MAP3K20: variants seen among roughly 807,000 people sequenced by gnomAD.
MAP3K20 encodes the protein mitogen-activated protein kinase kinase kinase 20.
MAP3K20 carries 40 observed loss-of-function variants against 85.7 expected under a neutral mutation model. That is an observed-to-expected ratio of 0.47 (90% CI 0.36 to 0.61). The LOEUF is 0.61. Ranked by LOEUF, MAP3K20 falls within the 20% of genes least tolerant of loss-of-function variation. MAP3K20 has a pLI of 0.00. For missense variants in MAP3K20, 817 were observed against 961.7 expected (o/e 0.85, Z 1.99); for synonymous variants, 325 against 327.7 (o/e 0.99, Z 0.09).
At chr2:173,082,873 G>T (rs527491406) in intron 1 of MAP3K20, among the ~76,000 whole-genome samples, 2 of 152,210 alleles carry the variant, frequency 1.3e-5, no homozygotes, top group African/African-American at 4.8e-5. Flanking sequence ...ATGTTTCCAC[G>T]CAGCATTTCT....
At chr2:173,088,326 A>T (rs1050418569) in intron 1 of MAP3K20, among the ~76,000 whole-genome samples, 2 of 152,238 alleles carry the variant, frequency 1.3e-5, no homozygotes, top group Non-Finnish European at 2.9e-5. Flanking sequence ...TATTGACTTA[A>T]CCAAATGTTA....
At chr2:173,115,124 T>C (rs1199695846) in intron 2 of MAP3K20, among the ~76,000 whole-genome samples, 3 of 152,164 alleles carry the variant, frequency 2.0e-5, no homozygotes, top group Admixed American at 6.5e-5. Context: ...TTTCTTTGTC[T>C]TTGTTGGATT....
At chr2:173,150,230 T>A (rs1689262673) in intron 2 of MAP3K20, among the ~76,000 whole-genome samples, 1 of 152,252 alleles carries the variant, frequency 6.6e-6, no homozygotes, top group Non-Finnish European at 1.5e-5. Context: ...TTTTTTAAAA[T>A]AGCAGGGTGA....
intron 11 of MAP3K20, chr2:173,226,079 T>C (rs1281032526): frequency 5.3e-5 from 52 of 985,078 alleles, no homozygotes; most frequent in Non-Finnish European, 5.8e-5. Flanking sequence ...TCTGGAAATG[T>C]TGAGGGTGGG....
rs963162901 is a variant in MAP3K20 at position 173,197,900 on chromosome 2, G to A, written c.583-126G>A. 8 of 626,884 alleles carry A rather than the reference G, an allele frequency of 1.3e-5. No individual in the cohort carries two copies. In the African/African-American group the frequency reaches 1.5e-4, roughly 12 times the overall value. 38.8% of individuals were successfully genotyped at this position (626,884 alleles called of 1,614,324 possible). A position where few individuals can be genotyped will look rare whatever the true frequency, so the allele number is the denominator to read the frequency against. ...TTGTGTGCTTAATTGTTTTGCCCAAGTTTCTACAGTTGGGGTTGGTTGTGT... is the reference window on the plus strand; with the variant it reads ...TTGTGTGCTTAATTGTTTTGCCCAAATTTCTACAGTTGGGGTTGGTTGTGT... On this transcript the variant is annotated intron_variant, in intron 7 of 19. Transcript: ENST00000375213.
At chr2:173,162,733 C>A (rs1689700108) in intron 2 of MAP3K20, among the ~76,000 whole-genome samples, 2 of 151,832 alleles carry the variant, frequency 1.3e-5, no homozygotes, top group South Asian at 2.1e-4. Flanking sequence ...AGATCAGGGT[C>A]CGTGGAGTAG....
intron 11 of MAP3K20, 44 bp from the exon 12 acceptor site, chr2:173,229,639 CAATGAT>C (rs1684473955): frequency 6.2e-7 from 1 of 1,609,252 alleles, no homozygotes; most frequent in Non-Finnish European, 8.5e-7. Flanking sequence ...ACCAAAAAGA[CAATGAT>C]AATATTACTT....
At position 173,267,389 on chromosome 2, in the gene MAP3K20, T is replaced by G. The variant is rs1449918076; in HGVS notation, c.*639T>G. 2 of 152,170 alleles carry G rather than the reference T, an allele frequency of 1.3e-5. No homozygotes were observed. Among genetic ancestry groups the G allele is most frequent in the Non-Finnish European group, 2.9e-5 (2 of 68,036 alleles). The allele number at this position is 152,170 out of a possible 1,614,324, so 9.4% of individuals were successfully genotyped here. A position where few individuals can be genotyped will look rare whatever the true frequency, so the allele number is the denominator to read the frequency against. The stretch of plus-strand genomic sequence containing the variant: ...GCCCAAGGCAGGTACCTCACTCATC[T>G]CATCCTTGGCTCAGCCCTGCTGGTT... On this transcript the variant is annotated 3_prime_UTR_variant, in exon 20 of 20. Transcript: ENST00000375213.
At chr2:173,180,772 T>A (rs1348769643) in intron 3 of MAP3K20, among the ~76,000 whole-genome samples, 1 of 151,980 alleles carries the variant, frequency 6.6e-6, no homozygotes, top group Non-Finnish European at 1.5e-5. Context: ...AGCCTAAGTA[T>A]AAGGGTTAAA....
chr2:173,076,174 C>T lies in MAP3K20; in HGVS notation c.-35+172C>T, dbSNP rs560381445. ...CCCCGACCCAGGGCCCGCCCGGCGG[C>T]GGCGGCCGGAGCGAGCGGGCGGGCG... On this transcript the variant is annotated intron_variant, in intron 1 of 19. Transcript: ENST00000375213. Among the ~76,000 whole-genome samples, 80 of 151,466 alleles carry T rather than the reference C, an allele frequency of 5.3e-4. 1 individual carries two copies. The South Asian group carries it at 9.1e-3, about 17-fold the overall frequency.
In MAP3K20 at chr2:173,238,443, A is replaced by C. The variant is rs746330346; in HGVS notation, c.1266+8A>C. ...TTCCCACCACTAATTAAGGTAAGTA[A>C]GGTTTTTCTTACCGACACTAATGCT... On this transcript the variant is annotated splice_region_variant and intron_variant, in intron 15 of 19. Transcript: ENST00000375213. The C allele has an allele frequency of 6.2e-7, 1 of 1,608,838 alleles. No individual in the cohort carries two copies. The highest frequency in any genetic ancestry group is 1.1e-5 in the South Asian group (1 of 90,426).
chr2:173,191,409 A>G (rs1174708021), intron 7 of MAP3K20, among the ~76,000 whole-genome samples: 1 of 152,212 alleles, frequency 6.6e-6, no homozygotes, highest in Non-Finnish European at 1.5e-5. Flanking sequence ...CACTTCCAAG[A>G]AACAAATTAA....
intron 2 of MAP3K20, among the ~76,000 whole-genome samples, chr2:173,091,962 T>C (rs1402167018): frequency 6.6e-6 from 1 of 152,270 alleles, no homozygotes; most frequent in Non-Finnish European, 1.5e-5. Context: ...GAGCTGGTTT[T>C]GGTCATTTCT....
intron 8 of MAP3K20, among the ~76,000 whole-genome samples, chr2:173,202,317 G>C (rs929875392): frequency 6.6e-6 from 1 of 152,118 alleles, no homozygotes; most frequent in Non-Finnish European, 1.5e-5. Flanking sequence ...TTGATTTTAG[G>C]ATTATCTGTA....
chr2:173,186,797 AACT>A (rs1381382748), intron 4 of MAP3K20, among the ~76,000 whole-genome samples: 1 of 152,164 alleles, frequency 6.6e-6, no homozygotes, highest in Admixed American at 6.5e-5. Flanking sequence ...AAGAGTCAAA[AACT>A]ACTAAGGTGG....
intron 4 of MAP3K20, among the ~76,000 whole-genome samples, chr2:173,185,051 G>A (rs547111173): frequency 6.6e-6 from 1 of 152,274 alleles, no homozygotes; most frequent in African/African-American, 2.4e-5. Context: ...AAACCAGCCT[G>A]ACCAACATGG....
intron 1 of MAP3K20, among the ~76,000 whole-genome samples, chr2:173,081,190 T>TC (rs1491280023): frequency 2.3e-4 from 15 of 64,016 alleles, no homozygotes; most frequent in African/African-American, 6.1e-4. Flanking sequence ...AAAAGACAAA[T>TC]TTTTTTTTTT....
chr2:173,226,923 G>A, intron 11 of MAP3K20: 3 of 984,994 alleles, frequency 3.0e-6, no homozygotes, highest in Non-Finnish European at 3.6e-6. Context: ...CAAGTCCTAT[G>A]CCAAATATCT....
intron 2 of MAP3K20, among the ~76,000 whole-genome samples, chr2:173,104,253 A>G (rs563577385): frequency 1.3e-5 from 2 of 152,208 alleles, no homozygotes; most frequent in African/African-American, 4.8e-5. Context: ...TGTATCCCAC[A>G]TATGATTTGG....
Sources: allele counts gnomAD v4.1 joint callset (sites outside exome capture counted in the v4.1 genomes callset), GRCh38; gene constraint gnomAD v4.1.1; transcripts MANE v1.5; gene names NCBI Gene and HGNC (gene_info 2026-07-23, HGNC 2026-07-21).